The following ATRX variants were observed in gnomAD, a reference collection of about 807,000 sequenced individuals.
ATRX encodes the protein chromatin remodeler ATRX.
A neutral mutation model predicts 172.6 loss-of-function variants in ATRX; 12 were observed. That is an observed-to-expected ratio of 0.07 (90% CI 0.04 to 0.11). The LOEUF is 0.11. Ranked by LOEUF, ATRX falls within the 10% of genes least tolerant of loss-of-function variation. The probability of loss-of-function intolerance (pLI) is 1.00; values close to 1 mark genes in which losing one functional copy is unlikely to be tolerated. For synonymous variants in ATRX, 674 were observed against 594.7 expected (o/e 1.13, Z -1.94); for missense variants, 1,368 against 1,767.4 (o/e 0.77, Z 4.05).
At chrX:77,660,617 A>T (rs2069831513) in intron 12 of ATRX, among the ~76,000 whole-genome samples, 1 of 110,066 alleles carries the variant, frequency 9.1e-6, no homozygotes, top group African/African-American at 3.3e-5. Context: ...TAATAATAAA[A>T]AAGAAATTTA....
chrX:77,781,656 G>C (rs1557205697), intron 1 of ATRX, among the ~76,000 whole-genome samples: 1 of 111,123 alleles, frequency 9.0e-6, no homozygotes, highest in African/African-American at 3.3e-5. Flanking sequence ...CTTCCAAGCT[G>C]ATCATAAGAC....
intron 30 of ATRX, among the ~76,000 whole-genome samples, chrX:77,537,662 C>T (rs190123930): frequency 1.9e-5 from 2 of 107,565 alleles, no homozygotes; most frequent in Non-Finnish European, 3.8e-5. Context: ...TAGTGAGACT[C>T]TATCTCTTAA....
rs782427432 is a variant in ATRX at position 77,683,398 on chromosome X, G to A, written c.1858C>T (p.Leu620=). The A allele has an allele frequency of 8.3e-7, 1 of 1,210,776 alleles. No homozygotes were observed. The highest frequency in any genetic ancestry group is 1.8e-5 in the South Asian group (1 of 56,958). The change falls in exon 9 of 35, where the codon CTG becomes TTG. Residue 620 remains leucine, a synonymous_variant. Coordinates refer to ENST00000373344, the MANE Select transcript of ATRX (RefSeq NM_000489.6). Reference sequence around the variant, plus strand: ...CCACATTTCTCTAACTTGGGGTTCAGACCACAACTTTTATAGCCATCTTTA... The same window carrying A: ...CCACATTTCTCTAACTTGGGGTTCAAACCACAACTTTTATAGCCATCTTTA... ...QDKDGYKSCG[L]NPKLEKCGLG... is the part of the protein sequence containing the mutation.
intron 1 of ATRX, among the ~76,000 whole-genome samples, chrX:77,784,246 T>C (rs556959879): frequency 4.0e-4 from 45 of 111,997 alleles, no homozygotes; most frequent in African/African-American, 1.4e-3. Context: ...ACCAAGTACT[T>C]ACCTCACAGG....
intron 19 of ATRX, among the ~76,000 whole-genome samples, chrX:77,631,899 T>C (rs1297883583): frequency 8.9e-6 from 1 of 112,523 alleles, no homozygotes; most frequent in Admixed American, 9.4e-5. Context: ...ATGTTAACAA[T>C]TGAGGAACCA....
At chrX:77,747,050 C>T (rs186017106) in intron 1 of ATRX, among the ~76,000 whole-genome samples, 4,055 of 110,463 alleles carry the variant, frequency 0.037, 77 homozygotes, top group East Asian at 0.087. Flanking sequence ...CCACCCGCTT[C>T]GGCCTCCCAA....
intron 1 of ATRX, among the ~76,000 whole-genome samples, chrX:77,777,376 G>A (rs782674580): frequency 1.1e-4 from 12 of 105,871 alleles, no homozygotes; most frequent in African/African-American, 3.4e-4. Flanking sequence ...GCAAGACTCC[G>A]TCTCAACAAA....
intron 28 of ATRX, among the ~76,000 whole-genome samples, chrX:77,568,945 C>G (rs1557065981): frequency 9.0e-6 from 1 of 110,987 alleles, no homozygotes; most frequent in Non-Finnish European, 1.9e-5. Flanking sequence ...AGAGGGGAAC[C>G]ACCTCAACTT....
At chrX:77,722,934 T>C (rs782679197) in intron 1 of ATRX, among the ~76,000 whole-genome samples, 33 of 112,092 alleles carry the variant, frequency 2.9e-4, no homozygotes, top group African/African-American at 9.4e-4. Flanking sequence ...GACTTGGAAC[T>C]AACCCAAATG....
chrX:77,785,365 T>G (rs1474915520), intron 1 of ATRX, among the ~76,000 whole-genome samples: 1 of 109,448 alleles, frequency 9.1e-6, no homozygotes, highest in Non-Finnish European at 1.9e-5. Context: ...CGCCTAGAAA[T>G]AAACCCAAGG....
At chrX:77,589,547 C>T (rs1288902802) in intron 27 of ATRX, among the ~76,000 whole-genome samples, 1 of 111,780 alleles carries the variant, frequency 8.9e-6, no homozygotes, top group Non-Finnish European at 1.9e-5. Flanking sequence ...CCAAAAAAAA[C>T]TATGTGAGAT....
intron 12 of ATRX, among the ~76,000 whole-genome samples, chrX:77,657,874 C>T (rs995163631): frequency 9.0e-6 from 1 of 111,497 alleles, no homozygotes; most frequent in Non-Finnish European, 1.9e-5. Flanking sequence ...CCAGCAGACA[C>T]CAACTTAAGC....
At chrX:77,697,487 T>A (rs782468992) in intron 4 of ATRX, 96 bp downstream of exon 4, 293 of 837,868 alleles carry the variant, frequency 3.5e-4, no homozygotes, top group Non-Finnish European at 4.9e-4. Flanking sequence ...TAACTCAGAA[T>A]AGTGGTTGAC....
At chrX:77,607,577 G>A (rs1203760153) in intron 22 of ATRX, among the ~76,000 whole-genome samples, 1 of 108,978 alleles carries the variant, frequency 9.2e-6, no homozygotes, top group African/African-American at 3.3e-5. Flanking sequence ...AGCGGAGCAT[G>A]GTGGTGCACA....
chrX:77,540,806 C>T (rs1306762507), intron 30 of ATRX, among the ~76,000 whole-genome samples: 1 of 111,815 alleles, frequency 8.9e-6, no homozygotes, highest in African/African-American at 3.3e-5. Flanking sequence ...CTCTGGGACA[C>T]ATTTAAAGCA....
At chrX:77,763,145 TG>T (rs1716990012) in intron 1 of ATRX, among the ~76,000 whole-genome samples, 1 of 109,345 alleles carries the variant, frequency 9.1e-6, no homozygotes, top group Non-Finnish European at 1.9e-5. Flanking sequence ...AGTTGTCTTT[TG>T]TTTTTTGTTT....
rs151220806 is a variant in ATRX, at chrX:77,600,540, C to A, written c.5591G>T (p.Gly1864Val). Residue 1864 changes from glycine (G) to valine (V), a missense_variant, in exon 23 of 35, where the codon GGA becomes GTA. Transcript: ENST00000373344. ...LTGVGNNSEG[G>V]RGKAGAKLFQ... is the part of the protein sequence containing the mutation. ...AAGCTTTGCACCTGCCTTTCCTCTT[C>A]CACCTTCACTATTATTGCCCACACC... is the stretch of plus-strand genomic sequence containing the variant. 9 of 1,209,034 alleles carry A rather than the reference C, an allele frequency of 7.4e-6. No individual in the cohort carries two copies. The highest frequency in any genetic ancestry group is 5.3e-5 in the South Asian group (3 of 56,850).
At chrX:77,709,043 C>T (rs1408635798) in intron 2 of ATRX, among the ~76,000 whole-genome samples, 1 of 111,573 alleles carries the variant, frequency 9.0e-6, no homozygotes, top group Non-Finnish European at 1.9e-5. Context: ...CCCGTCTCTA[C>T]AGAACATTAA....
chrX:77,574,217 A>T, intron 28 of ATRX, 33 bp downstream of exon 28: 2 of 886,031 alleles, frequency 2.3e-6, no homozygotes, highest in Non-Finnish European at 3.3e-6. Context: ...TAATTATTTT[A>T]ATGTTTCTAC....
Sources: allele counts gnomAD v4.1 joint callset (sites outside exome capture counted in the v4.1 genomes callset), GRCh38; gene constraint gnomAD v4.1.1; transcripts MANE v1.5; gene names NCBI Gene and HGNC (gene_info 2026-07-23, HGNC 2026-07-21).